The following ELP3 variants were observed in gnomAD, a reference collection of about 807,000 sequenced individuals.
ELP3 encodes the protein elongator acetyltransferase complex subunit 3, also known as elongator complex protein 3.
A neutral mutation model predicts 74.9 loss-of-function variants in ELP3; 56 were observed. The ratio of observed to expected loss-of-function variants is 0.75; its 90% CI spans 0.60 to 0.93. The LOEUF (loss-of-function observed/expected upper bound fraction) is 0.93. ELP3 is among the 40% of genes least tolerant of loss of function. The pLI is 0.00. For missense variants in ELP3, 573 were observed against 686.5 expected (o/e 0.83, Z 1.85); for synonymous variants, 222 against 239.8 (o/e 0.93, Z 0.68).
At chr8:28,140,114 TTGTGTGTGTGTG>T (rs56981709) in intron 10 of ELP3, among the ~76,000 whole-genome samples, 1,478 of 143,790 alleles carry the variant, frequency 0.01, 23 homozygotes, top group African/African-American at 0.035. Flanking sequence ...TGTACATATT[TTGTGTGTGTGTG>T]TGTGTGTGTG....
intron 14 of ELP3, among the ~76,000 whole-genome samples, chr8:28,172,258 A>G (rs966579148): frequency 6.6e-6 from 1 of 152,082 alleles, no homozygotes; most frequent in African/African-American, 2.4e-5. Context: ...CATCTTAACA[A>G]TGTTAAGTCT....
chr8:28,154,243 G>A (rs1813745249), intron 10 of ELP3, among the ~76,000 whole-genome samples: 1 of 152,182 alleles, frequency 6.6e-6, no homozygotes, highest in African/African-American at 2.4e-5. Context: ...ACAAGGTTAT[G>A]CATTGATCAG....
chr8:28,146,777 C>T (rs1275322295), intron 10 of ELP3, among the ~76,000 whole-genome samples: 1 of 152,220 alleles, frequency 6.6e-6, no homozygotes, highest in East Asian at 1.9e-4. Flanking sequence ...GCAATTACCA[C>T]ATTTCTGTTC....
chr8:28,137,583 A>G, intron 9 of ELP3, 115 bp from the exon 10 acceptor site: 1 of 986,306 alleles, frequency 1.0e-6, no homozygotes, highest in Non-Finnish European at 1.5e-6. Context: ...GTCAGAAGCA[A>G]AGGCTGCCCC....
intron 14 of ELP3, among the ~76,000 whole-genome samples, chr8:28,175,810 C>CTTTTTTTTT (rs56901616): frequency 1.3e-5 from 1 of 78,248 alleles, no homozygotes; most frequent in African/African-American, 5.1e-5. Flanking sequence ...TGTCTAGTGA[C>CTTTTTTTTT]TTTTTTTTTT....
At chr8:28,173,840 C>T (rs1814633052) in intron 14 of ELP3, among the ~76,000 whole-genome samples, 1 of 151,790 alleles carries the variant, frequency 6.6e-6, no homozygotes, top group African/African-American at 2.4e-5. Context: ...TCCAATTTTC[C>T]TTGTGATTTC....
chr8:28,149,817 G>A (rs764082386), intron 10 of ELP3, among the ~76,000 whole-genome samples: 20 of 152,004 alleles, frequency 1.3e-4, no homozygotes, highest in African/African-American at 4.4e-4. Flanking sequence ...TTTCCTCTAA[G>A]CACTGCTTTT....
Position 28,137,686 on chromosome 8 carries a change from C to T in ELP3, c.907-12C>T. ...ACTAATGGAGAAGTCATTTTCTGTT[C>T]TCTATTCACAGGAGTTTTTTGAGAA... On this transcript the variant is annotated splice_polypyrimidine_tract_variant and intron_variant, in intron 9 of 14. Transcript: ENST00000256398. 6.2e-7 allele frequency: 1 copy of T among 1,610,298 alleles called. No individual in the cohort carries two copies. The highest frequency in any genetic ancestry group is 8.5e-7 in the Non-Finnish European group (1 of 1,178,960).
Position 28,160,425 on chromosome 8 carries a change from G to A in ELP3, c.1454G>A (p.Ser485Asn), listed in dbSNP as rs1334646695. The change falls in exon 13 of 15, where the codon AGC becomes AAC. Residue 485 changes from serine (S) to asparagine (N), a missense_variant. Coordinates refer to ENST00000256398, the MANE Select transcript of ELP3 (RefSeq NM_018091.6). The part of the protein sequence containing the change: ...LHVYGSVVPV[S>N]SRDPTKFQHQ... ...GTGTATGGGAGTGTGGTCCCTGTGA[G>A]CAGCCGGGATCCTACTAAATTTCAG... 6.2e-7 allele frequency: 1 copy of A among 1,614,032 alleles called. No individual in the cohort carries two copies. The highest frequency in any genetic ancestry group is 8.5e-7 in the Non-Finnish European group (1 of 1,179,980).
At chr8:28,186,256 G>A (rs1336517369) in intron 14 of ELP3, among the ~76,000 whole-genome samples, 1 of 152,174 alleles carries the variant, frequency 6.6e-6, no homozygotes, top group African/African-American at 2.4e-5. Flanking sequence ...GAGATGGATG[G>A]TGGTGATAGT....
intron 9 of ELP3, among the ~76,000 whole-genome samples, chr8:28,134,448 C>T (rs1482008843): frequency 6.6e-6 from 1 of 152,182 alleles, no homozygotes; most frequent in Non-Finnish European, 1.5e-5. Flanking sequence ...TTTCTAACTG[C>T]ATCCTAGTAA....
chr8:28,132,044 C>T (rs531928506), intron 8 of ELP3, among the ~76,000 whole-genome samples: 4 of 152,254 alleles, frequency 2.6e-5, no homozygotes, highest in Admixed American at 1.3e-4. Flanking sequence ...TGAGAAATAT[C>T]TCAGAAATAA....
chr8:28,171,115 C>A (rs947694314), intron 14 of ELP3, among the ~76,000 whole-genome samples: 4 of 152,188 alleles, frequency 2.6e-5, no homozygotes, highest in Non-Finnish European at 5.9e-5. Context: ...GTTGTTTCCA[C>A]CTTTTGGCTA....
intron 3 of ELP3, among the ~76,000 whole-genome samples, chr8:28,105,504 T>C (rs1220526603): frequency 6.6e-6 from 1 of 152,216 alleles, no homozygotes; most frequent in African/African-American, 2.4e-5. Context: ...AGAAGGATAT[T>C]TAGATACTAA....
chr8:28,118,011 G>A lies in ELP3; in HGVS notation c.617+4838G>A, dbSNP rs1456925085. ...GCCCTTCTCTCTCATCCTGCCCAGA[G>A]TCTATGAGTGAAAACTGGTTGGTTT... On this transcript the variant is annotated intron_variant, in intron 7 of 14. Transcript: ENST00000256398. 3.3e-5 allele frequency among the ~76,000 whole-genome samples: 5 copies of A among 152,322 alleles called. No individual in the cohort carries two copies. In the East Asian group the frequency reaches 9.6e-4, roughly 29 times the overall value.
chr8:28,092,597 C>T (rs1811084127), upstream of ELP3, among the ~76,000 whole-genome samples: 1 of 152,188 alleles, frequency 6.6e-6, no homozygotes, highest in Admixed American at 6.5e-5. Context: ...TTTCCTTCCA[C>T]AAGAGACATC....
chr8:28,117,440 G>A (rs975325118), intron 7 of ELP3, among the ~76,000 whole-genome samples: 2 of 152,128 alleles, frequency 1.3e-5, no homozygotes, highest in African/African-American at 4.8e-5. Context: ...TGTAGAAAAA[G>A]CCCTGTGGAA....
chr8:28,120,834 T>TA lies in ELP3; in HGVS notation c.617+7666dup, dbSNP rs147793144. Among the ~76,000 whole-genome samples, 1,175 of 152,336 alleles carry TA rather than the reference T, an allele frequency of 7.7e-3. 21 individuals are homozygous for TA. The highest frequency in any genetic ancestry group is 0.026 in the African/African-American group (1,091 of 41,576). On this transcript the variant is annotated intron_variant, in intron 7 of 14. Transcript: ENST00000256398. ...TATTCGGATTATATCACACCTTTGT[T>TA]AAAAATCGAAGGACTCAGTAAATGT...
In ELP3 at chr8:28,110,417, G is replaced by C. The variant is rs1292881083; in HGVS notation, c.441G>C (p.Gln147His). The C allele has an allele frequency of 6.2e-7, 1 of 1,613,666 alleles. No individual in the cohort carries two copies. Among genetic ancestry groups the C allele is most frequent in the African/African-American group, 1.3e-5 (1 of 75,000 alleles). The change falls in exon 6 of 15, where the codon CAG becomes CAC. Residue 147 changes from glutamine to histidine, a missense_variant. By Grantham distance (24) the Gln-to-His change is conservative. Transcript: ENST00000256398. Reference sequence around the variant, plus strand: ...GTGCCAGATATGACCCTTTCCTACAGACAAGACACCGAATAGAACAGGTAC... The same window carrying C: ...GTGCCAGATATGACCCTTTCCTACACACAAGACACCGAATAGAACAGGTAC... ...AIRARYDPFL[Q>H]TRHRIEQLKQ...
Sources: gnomAD v4.1 joint callset for allele counts (sites outside exome capture counted in the v4.1 genomes callset) on GRCh38, gnomAD v4.1.1 for gene constraint, MANE v1.5 for transcripts, NCBI Gene and HGNC (gene_info 2026-07-23, HGNC 2026-07-21) for gene names.